Variants in CSGALNACT1 observed in about 807,000 individuals in gnomAD.
CSGALNACT1 encodes the protein chondroitin sulfate N-acetylgalactosaminyltransferase 1.
Under a neutral mutation model 51.0 loss-of-function variants are expected in CSGALNACT1, and 52 were observed. That is an observed-to-expected ratio of 1.02 (90% CI 0.82 to 1.29). The LOEUF (loss-of-function observed/expected upper bound fraction) is 1.29, where lower values mean the gene tolerates loss of function less well. Ranked by LOEUF, CSGALNACT1 falls within the 50% of genes most tolerant of loss-of-function variation. The probability of loss-of-function intolerance (pLI) is 0.00; values close to 1 mark genes in which losing one functional copy is unlikely to be tolerated. For synonymous variants in CSGALNACT1, 341 were observed against 254.4 expected (o/e 1.34, Z -3.24); for missense variants, 935 against 679.2 (o/e 1.38, Z -4.19).
rs143530653 is a variant in CSGALNACT1 at position 19,435,878 on chromosome 8, GCA to G, written c.953+3950_953+3951del. Among the ~76,000 whole-genome samples, 18 of 151,714 alleles carry G rather than the reference GCA, an allele frequency of 1.2e-4. 2 individuals are homozygous for G. Among genetic ancestry groups the G allele is most frequent in the Admixed American group, 7.2e-4 (11 of 15,226 alleles). ...GGAATATATTACGCATCCTTATGCAGCACACACACACACACGCACACACATTG... is the reference window on the plus strand; with the variant it reads ...GGAATATATTACGCATCCTTATGCAGCACACACACACACGCACACACATTG... On this transcript the variant is annotated intron_variant, in intron 6 of 9. Transcript: ENST00000454498.
In CSGALNACT1 at chr8:19,542,580, C is replaced by T. The variant is rs147666241; in HGVS notation, c.-296-36450G>A. 8.1e-4 allele frequency among the ~76,000 whole-genome samples: 124 copies of T among 152,192 alleles called. 1 individual carries two copies. The East Asian group carries it at 0.02, about 25-fold the overall frequency. ...AGAAATCCTAATGGAGTTACCAAAACAAGAGATGATGATTAATTTCTATGG... is the reference window on the plus strand; with the variant it reads ...AGAAATCCTAATGGAGTTACCAAAATAAGAGATGATGATTAATTTCTATGG... On this transcript the variant is annotated intron_variant, in intron 3 of 9. Transcript: ENST00000454498.
chr8:19,603,432 T>C (rs1188258306), upstream of CSGALNACT1, among the ~76,000 whole-genome samples: 1 of 152,240 alleles, frequency 6.6e-6, no homozygotes, highest in Non-Finnish European at 1.5e-5. Flanking sequence ...CTCGGTCCTC[T>C]ACTGCGGTGC....
chr8:19,649,751 G>T (rs901514302), intron 1 of CSGALNACT1, among the ~76,000 whole-genome samples: 7 of 128,870 alleles, frequency 5.4e-5, no homozygotes, highest in Admixed American at 9.4e-5. Context: ...CAAGACTCTT[G>T]TTAAAAAGAG....
chr8:19,488,075 C>A (rs2073416903), intron 4 of CSGALNACT1, among the ~76,000 whole-genome samples: 2 of 152,018 alleles, frequency 1.3e-5, no homozygotes, highest in Non-Finnish European at 2.9e-5. Flanking sequence ...GGGGGCTGGG[C>A]TCAGTGGCTC....
chr8:19,732,353 T>C (rs902362121), intron 1 of CSGALNACT1: 15 of 152,208 alleles, frequency 9.9e-5, no homozygotes, highest in Non-Finnish European at 2.1e-4. Context: ...CAATGTCTAC[T>C]GTGGTTAACT....
At chr8:19,697,791 C>A (rs73216653) in intron 1 of CSGALNACT1, among the ~76,000 whole-genome samples, 1,800 of 152,048 alleles carry the variant, frequency 0.012, 20 homozygotes, top group Non-Finnish European at 0.018. Flanking sequence ...GAAAAAGAGG[C>A]CTAGAAACAG....
At chr8:19,597,791 A>C (rs559202178) in intron 2 of CSGALNACT1, among the ~76,000 whole-genome samples, 3 of 152,376 alleles carry the variant, frequency 2.0e-5, no homozygotes, top group Admixed American at 2.0e-4. Context: ...AGACACCAGC[A>C]ACTCCTTCAA....
intron 1 of CSGALNACT1, among the ~76,000 whole-genome samples, chr8:19,659,017 A>G (rs2058539660): frequency 6.6e-6 from 1 of 152,168 alleles, no homozygotes; most frequent in African/African-American, 2.4e-5. Context: ...CAGTCATCTA[A>G]GTAATGAAAT....
rs1158742095 is a variant in CSGALNACT1, at chr8:19,666,927, GAC to G, written c.-544+15544_-544+15545del. Among the ~76,000 whole-genome samples, 10 of 131,854 alleles carry G rather than the reference GAC, an allele frequency of 7.6e-5. 1 individual carries two copies. In the South Asian group the frequency reaches 9.9e-4, roughly 13 times the overall value. The allele number at this position is 131,854 out of a possible 152,430, so 86.5% of individuals were successfully genotyped here. A position where few individuals can be genotyped will look rare whatever the true frequency, so the allele number is the denominator to read the frequency against. On this transcript the variant is annotated intron_variant, in intron 1 of 9. Coordinates refer to the CSGALNACT1 transcript ENST00000332246. The stretch of plus-strand genomic sequence containing the variant: ...GAAGGGAGGAAGGGAGGAAGGGAGA[GAC>G]AGAGAGAGAGAGAAAAAGAAAGAAA...
At chr8:19,714,270 G>A (rs1243326736) in intron 1 of CSGALNACT1, among the ~76,000 whole-genome samples, 2 of 151,932 alleles carry the variant, frequency 1.3e-5, no homozygotes, top group Admixed American at 1.3e-4. Flanking sequence ...CCTTTCCTCT[G>A]GCTGAATTAT....
chr8:19,595,387 C>T (rs898407568), intron 2 of CSGALNACT1, among the ~76,000 whole-genome samples: 1 of 152,088 alleles, frequency 6.6e-6, no homozygotes, highest in Non-Finnish European at 1.5e-5. Context: ...CATTTAAAGT[C>T]CAACACGCAG....
upstream of CSGALNACT1, chr8:19,602,525 C>T (rs534747041): frequency 6.6e-6 from 1 of 152,422 alleles, no homozygotes; most frequent in East Asian, 1.9e-4. Context: ...CGCCTGGAGC[C>T]TCCCGCTCCC....
chr8:19,659,584 C>T (rs2058589335), intron 1 of CSGALNACT1, among the ~76,000 whole-genome samples: 1 of 152,176 alleles, frequency 6.6e-6, no homozygotes, highest in African/African-American at 2.4e-5. Context: ...ATTGAATCTG[C>T]CTGGATCACA....
chr8:19,605,771 T>A (rs766019407), upstream of CSGALNACT1, among the ~76,000 whole-genome samples: 1 of 152,216 alleles, frequency 6.6e-6, no homozygotes, highest in South Asian at 2.1e-4. Flanking sequence ...CAGACATCAA[T>A]TAGCAGTCCT....
Position 19,695,570 on chromosome 8 carries a change from A to C in CSGALNACT1, c.-297+62280T>G, listed in dbSNP as rs543793220. ...CCTAAGAAATGCATATTTTAATTCA[A>C]AGTAAAATTAAAGCATGATGAAATA... On this transcript the variant is annotated intron_variant, in intron 1 of 1. Transcript: ENST00000517494. Among the ~76,000 whole-genome samples the C allele has an allele frequency of 5.3e-5, 8 of 152,358 alleles. No homozygotes were observed. The South Asian group carries it at 1.7e-3, about 32-fold the overall frequency.
chr8:19,638,424 T>C (rs992013739), intron 1 of CSGALNACT1, among the ~76,000 whole-genome samples: 13 of 152,178 alleles, frequency 8.5e-5, no homozygotes, highest in African/African-American at 3.1e-4. Context: ...GGACCTCGCC[T>C]TCTTTTTCCT....
At position 19,690,022 on chromosome 8, in the gene CSGALNACT1, T is replaced by C. The variant is rs372916129; in HGVS notation, c.-297+67828A>G. On this transcript the variant is annotated intron_variant, in intron 1 of 1. Transcript: ENST00000517494. ...TGAATCACTAATCATTAAAGCCAAT[T>C]TGAGTTTCAAACTAAATGTGTTGAA... Among the ~76,000 whole-genome samples, 18 of 152,328 alleles carry C rather than the reference T, an allele frequency of 1.2e-4. No individual in the cohort carries two copies. The South Asian group carries it at 3.5e-3, about 30-fold the overall frequency.
chr8:19,487,861 C>T (rs1458319351), intron 4 of CSGALNACT1, among the ~76,000 whole-genome samples: 1 of 151,868 alleles, frequency 6.6e-6, no homozygotes, highest in African/African-American at 2.4e-5. Context: ...ACACAGCAGC[C>T]CAAAGAATGA....
intron 2 of CSGALNACT1, among the ~76,000 whole-genome samples, chr8:19,597,727 C>T (rs768951402): frequency 1.2e-4 from 19 of 152,154 alleles, no homozygotes; most frequent in African/African-American, 3.6e-4. Context: ...GCTGGTACAC[C>T]GTCAAATGTG....
Sources: allele counts gnomAD v4.1 joint callset (sites outside exome capture counted in the v4.1 genomes callset), GRCh38; gene constraint gnomAD v4.1.1; transcripts MANE v1.5; gene names NCBI Gene and HGNC (gene_info 2026-07-23, HGNC 2026-07-21).